The following BCO2 variants were observed in gnomAD, a reference collection of about 807,000 sequenced individuals.
BCO2 encodes the protein carotenoid-cleaving dioxygenase, mitochondrial.
BCO2 carries 56 observed loss-of-function variants against 65.8 expected under a neutral mutation model. The observed-to-expected ratio is 0.85, with a 90% CI of 0.69 to 1.06. The LOEUF is 1.06. BCO2 is among the 50% of genes least tolerant of loss of function. The probability of loss-of-function intolerance (pLI) is 0.00; values close to 1 mark genes in which losing one functional copy is unlikely to be tolerated. For missense variants in BCO2, 675 were observed against 698.5 expected (o/e 0.97, Z 0.38); for synonymous variants, 233 against 242.3 (o/e 0.96, Z 0.36).
In BCO2 at chr11:112,195,644, AC is replaced by A. The variant is rs1241360571; in HGVS notation, c.736+890del. Among the ~76,000 whole-genome samples the A allele has an allele frequency of 4.6e-5, 7 of 151,322 alleles. No individual in the cohort carries two copies. In the East Asian group the frequency reaches 1.4e-3, roughly 30 times the overall value. On this transcript the variant is annotated intron_variant, in intron 5 of 11. Transcript: ENST00000357685. ...TTTTAGTAGAGACGGGTTTTCAGCC[AC>A]GTTGGTCAGGCTGGTCTTGAACTCC...
chr11:112,213,619 A>T, intron 8 of BCO2, 105 bp from the exon 9 acceptor site: 1 of 1,166,432 alleles, frequency 8.6e-7, no homozygotes, highest in Non-Finnish European at 1.2e-6. Context: ...ATTATCATTT[A>T]TTTAAATATT....
chr11:112,207,131 G>C (rs1047816825), intron 8 of BCO2, among the ~76,000 whole-genome samples: 6 of 152,168 alleles, frequency 3.9e-5, no homozygotes, highest in African/African-American at 1.4e-4. Context: ...AATAATGACA[G>C]CTTTCTTTCT....
At chr11:112,215,285 A>T in intron 10 of BCO2, 2 of 301,846 alleles carry the variant, frequency 6.6e-6, no homozygotes, top group Non-Finnish European at 1.3e-5. Flanking sequence ...GACTGCAAAG[A>T]CTCCCTCTCT....
chr11:112,212,072 A>T (rs1057505050), intron 8 of BCO2, among the ~76,000 whole-genome samples: 2 of 152,018 alleles, frequency 1.3e-5, no homozygotes, highest in Non-Finnish European at 2.9e-5. Flanking sequence ...AACTTTATGA[A>T]TCTTAAGAAT....
intron 4 of BCO2, 193 bp downstream of exon 4, chr11:112,194,187 T>A (rs1156753043): frequency 3.7e-6 from 2 of 540,320 alleles, no homozygotes; most frequent in Non-Finnish European, 6.6e-6. Flanking sequence ...AATATAATTC[T>A]AAACTCCTTC....
At chr11:112,187,422 A>G (rs1217137882) in intron 2 of BCO2, among the ~76,000 whole-genome samples, 1 of 151,396 alleles carries the variant, frequency 6.6e-6, no homozygotes, top group African/African-American at 2.4e-5. Flanking sequence ...TTCAATTACA[A>G]AATGATGATT....
intron 2 of BCO2, among the ~76,000 whole-genome samples, chr11:112,184,253 ATTT>A (rs1247050890): frequency 7.0e-6 from 1 of 142,728 alleles, no homozygotes. Context: ...GGAATGAGGA[ATTT>A]TTTTTTTTTT....
intron 1 of BCO2, chr11:112,175,984 A>G (rs916418908): frequency 3.7e-6 from 1 of 271,608 alleles, no homozygotes; most frequent in East Asian, 6.5e-5. Context: ...TTCAATATTT[A>G]GGCTTTTCTA....
At chr11:112,202,257 G>T in intron 8 of BCO2, 67 bp downstream of exon 8, 2 of 1,370,688 alleles carry the variant, frequency 1.5e-6, no homozygotes, top group Non-Finnish European at 1.0e-6. Context: ...CTTTGGCTTT[G>T]GAATTACATG....
intron 8 of BCO2, among the ~76,000 whole-genome samples, chr11:112,203,917 C>T (rs186999229): frequency 1.8e-4 from 27 of 151,946 alleles, no homozygotes; most frequent in African/African-American, 5.3e-4. Context: ...TGCAGTGGCG[C>T]GATCTCGGCT....
intron 1 of BCO2, chr11:112,175,905 T>C (rs1254811500): frequency 6.6e-6 from 3 of 457,446 alleles, no homozygotes; most frequent in East Asian, 6.3e-5. Context: ...CACATTTGTA[T>C]ATTTTATGCA....
At chr11:112,181,286 A>G (rs1371140905) in intron 2 of BCO2, 8 of 546,738 alleles carry the variant, frequency 1.5e-5, no homozygotes, top group South Asian at 4.0e-5. Context: ...GGTTCACGCC[A>G]TTCTCCTGCC....
chr11:112,197,563 G>GT (rs1867616418), intron 5 of BCO2, among the ~76,000 whole-genome samples: 1 of 137,774 alleles, frequency 7.3e-6, no homozygotes, highest in Non-Finnish European at 1.6e-5. Context: ...AAAAAAAAAA[G>GT]AAGTAATTTC....
chr11:112,187,241 C>T (rs531589305), intron 2 of BCO2, among the ~76,000 whole-genome samples: 5 of 152,086 alleles, frequency 3.3e-5, no homozygotes, highest in South Asian at 2.1e-4. Context: ...CAGACTTTAC[C>T]GTCAGTCACT....
At position 112,202,009 on chromosome 11, in the gene BCO2, G is replaced by T. The variant is rs758755259; in HGVS notation, c.1027-14G>T. The T allele has an allele frequency of 3.1e-5, 48 of 1,542,592 alleles. No homozygotes were observed. Among genetic ancestry groups the T allele is most frequent in the Non-Finnish European group, 4.0e-5 (46 of 1,148,554 alleles). Reference sequence around the variant, plus strand: ...AAAAAAAATTTTTTTCATTGTTTGTGTTTTCCCCTGCAGCTCCTTCCAGGG... The same window carrying T: ...AAAAAAAATTTTTTTCATTGTTTGTTTTTTCCCCTGCAGCTCCTTCCAGGG... On this transcript the variant is annotated splice_polypyrimidine_tract_variant and intron_variant, in intron 7 of 11. Coordinates refer to ENST00000357685, the MANE Select transcript of BCO2 (RefSeq NM_031938.7).
intron 2 of BCO2, chr11:112,183,049 C>T (rs866890102): frequency 2.1e-5 from 25 of 1,166,088 alleles, no homozygotes; most frequent in South Asian, 1.3e-4. Context: ...CTCAGAGGAG[C>T]GACTCTGGCA....
chr11:112,200,194 A>C (rs1867690411), intron 6 of BCO2, among the ~76,000 whole-genome samples: 1 of 152,182 alleles, frequency 6.6e-6, no homozygotes, highest in African/African-American at 2.4e-5. Flanking sequence ...GCTTTTACTC[A>C]GAATATTTAT....
rs576123072 is a variant in BCO2, at chr11:112,206,245, G to A, written c.1194+4055G>A. On this transcript the variant is annotated intron_variant, in intron 8 of 11. Transcript: ENST00000357685. ...CTCCTCACTTCCCAGACAGGGCAGCGGCCGGGCAGAGGCGCTCCTCACTTG... is the reference window on the plus strand; with the variant it reads ...CTCCTCACTTCCCAGACAGGGCAGCAGCCGGGCAGAGGCGCTCCTCACTTG... Among the ~76,000 whole-genome samples the A allele has an allele frequency of 3.1e-3, 470 of 151,766 alleles. 2 individuals are homozygous for A. The highest frequency in any genetic ancestry group is 0.011 in the African/African-American group (449 of 41,348).
chr11:112,180,971 G>A (rs1037647854), intron 2 of BCO2: 24 of 1,218,372 alleles, frequency 2.0e-5, no homozygotes, highest in Non-Finnish European at 2.7e-5. Flanking sequence ...TGTTTGTGAA[G>A]GAGAGCCATT....
Sources: allele counts gnomAD v4.1 joint callset (sites outside exome capture counted in the v4.1 genomes callset), GRCh38; gene constraint gnomAD v4.1.1; transcripts MANE v1.5; gene names NCBI Gene and HGNC (gene_info 2026-07-23, HGNC 2026-07-21).